EIF2S2: variants seen among roughly 807,000 people sequenced by gnomAD.
EIF2S2 encodes the protein eukaryotic translation initiation factor 2 subunit beta.
EIF2S2 carries 4 observed loss-of-function variants against 44.0 expected under a neutral mutation model. That is an observed-to-expected ratio of 0.09 (90% CI 0.04 to 0.21). The LOEUF (loss-of-function observed/expected upper bound fraction) is 0.21. Among genes scored for constraint, EIF2S2 ranks in the 10% least tolerant of loss-of-function variants. The pLI is 1.00. For synonymous variants in EIF2S2, 108 were observed against 128.3 expected, an observed-to-expected ratio of 0.84 and a Z score of 1.07; for missense variants, 154 against 392.0, an observed-to-expected ratio of 0.39 and a Z score of 5.13.
chr20:34,103,701 C>T, intron 2 of EIF2S2, 136 bp from the exon 3 acceptor site: 2 of 1,263,726 alleles, frequency 1.6e-6, no homozygotes, highest in East Asian at 3.8e-5. Flanking sequence ...AATCACAAAA[C>T]TTATGGTTCT....
intron 6 of EIF2S2, among the ~76,000 whole-genome samples, chr20:34,095,310 CTTTTTTTTTTTT>C (rs148341160): frequency 8.9e-5 from 11 of 123,916 alleles, no homozygotes; most frequent in African/African-American, 3.1e-4. Flanking sequence ...TTAGCTACCT[CTTTTTTTTTTTT>C]TTTTTTTTGA....
intron 7 of EIF2S2, among the ~76,000 whole-genome samples, chr20:34,091,671 T>C (rs1260886589): frequency 7.3e-6 from 1 of 137,764 alleles, no homozygotes; most frequent in African/African-American, 2.7e-5. Context: ...TGAGCCAAGA[T>C]CCACGCCACT....
intron 3 of EIF2S2, 103 bp from the exon 4 acceptor site, chr20:34,098,736 C>G (rs2034261900): frequency 2.2e-6 from 3 of 1,377,346 alleles, no homozygotes; most frequent in African/African-American, 2.9e-5. Context: ...CTTTGTTGCT[C>G]AGGCTAGTCT....
Position 34,089,671 on chromosome 20 carries a change from T to G in EIF2S2, c.*59A>C, listed in dbSNP as rs2034140199. 1.3e-6 allele frequency: 2 copies of G among 1,561,200 alleles called. No homozygotes were observed. The highest frequency in any genetic ancestry group is 2.7e-5 in the African/African-American group (2 of 72,920). On this transcript the variant is annotated 3_prime_UTR_variant, in exon 9 of 9. Transcript: ENST00000374980. ...TAATACAACGGTATATCCACTCTGA[T>G]GGCAAACCTGTCCAGCCACATCTCC...
At chr20:34,099,441 G>T (rs2034270889) in intron 3 of EIF2S2, among the ~76,000 whole-genome samples, 1 of 152,162 alleles carries the variant, frequency 6.6e-6, no homozygotes, top group African/African-American at 2.4e-5. Context: ...CAGGGTTCAG[G>T]AGTACTTTAA....
intron 3 of EIF2S2, among the ~76,000 whole-genome samples, chr20:34,101,333 T>C (rs558610443): frequency 6.6e-6 from 1 of 152,108 alleles, no homozygotes; most frequent in Non-Finnish European, 1.5e-5. Context: ...AACCCAGCTA[T>C]TCAGGAAGCT....
At chr20:34,095,944 A>C (rs145713386) in intron 6 of EIF2S2, among the ~76,000 whole-genome samples, 102 of 152,316 alleles carry the variant, frequency 6.7e-4, no homozygotes, top group African/African-American at 2.3e-3. Flanking sequence ...AGCCATTCCC[A>C]GACAGTAACC....
At chr20:34,103,707 GTTCT>G (rs1373396677) in intron 2 of EIF2S2, 142 bp from the exon 3 acceptor site, 30 of 1,242,476 alleles carry the variant, frequency 2.4e-5, no homozygotes, top group East Asian at 4.0e-5. Context: ...AAAACTTATG[GTTCT>G]TTTTTTTTTT....
chr20:34,108,739 T>C (rs2034376431), intron 1 of EIF2S2, among the ~76,000 whole-genome samples: 1 of 152,196 alleles, frequency 6.6e-6, no homozygotes, highest in Non-Finnish European at 1.5e-5. Flanking sequence ...ATTACCCTGA[T>C]GCTCATCAAA....
At chr20:34,099,534 C>T (rs2034272248) in intron 3 of EIF2S2, among the ~76,000 whole-genome samples, 1 of 152,136 alleles carries the variant, frequency 6.6e-6, no homozygotes, top group South Asian at 2.1e-4. Flanking sequence ...CACACCAACC[C>T]TCCAATGCCA....
chr20:34,094,266 C>T (rs1309449378), intron 6 of EIF2S2, among the ~76,000 whole-genome samples: 4 of 152,104 alleles, frequency 2.6e-5, no homozygotes. Flanking sequence ...CATCTAGAAA[C>T]AAGGATGGAA....
At chr20:34,094,289 G>A (rs1048725533) in intron 6 of EIF2S2, among the ~76,000 whole-genome samples, 4 of 152,110 alleles carry the variant, frequency 2.6e-5, no homozygotes, top group African/African-American at 4.8e-5. Flanking sequence ...CATCAACACC[G>A]ACTTCAGAGA....
At chr20:34,111,724 C>A (rs2034415109) in intron 1 of EIF2S2, among the ~76,000 whole-genome samples, 1 of 152,254 alleles carries the variant, frequency 6.6e-6, no homozygotes, top group Admixed American at 6.5e-5. Flanking sequence ...ACCCCCGGCA[C>A]CCAGTGAGGC....
chr20:34,098,663 G>A, intron 3 of EIF2S2, 30 bp from the exon 4 acceptor site: 1 of 1,606,812 alleles, frequency 6.2e-7, no homozygotes. Flanking sequence ...CTGAACATTT[G>A]ATACTGGGAC....
chr20:34,091,286 G>A (rs1197920017), intron 7 of EIF2S2, among the ~76,000 whole-genome samples: 1 of 152,132 alleles, frequency 6.6e-6, no homozygotes, highest in African/African-American at 2.4e-5. Flanking sequence ...AACAGGAAAG[G>A]GGCTACGTTT....
intron 1 of EIF2S2, among the ~76,000 whole-genome samples, chr20:34,109,799 G>GA (rs575872741): frequency 2.1e-3 from 288 of 139,322 alleles, no homozygotes; most frequent in Middle Eastern, 3.7e-3. Context: ...TATACATCAA[G>GA]AAAAAAAAAA....
chr20:34,111,320 T>C (rs1302291246), intron 1 of EIF2S2, among the ~76,000 whole-genome samples: 1 of 152,082 alleles, frequency 6.6e-6, no homozygotes, highest in East Asian at 1.9e-4. Flanking sequence ...CTACTGGGAG[T>C]ACTTAACATC....
At chr20:34,090,056 G>T (rs2034145141) in intron 8 of EIF2S2, 151 bp from the exon 9 acceptor site, 3 of 781,182 alleles carry the variant, frequency 3.8e-6, no homozygotes, top group South Asian at 1.7e-5. Flanking sequence ...TATTCGAGGG[G>T]TAAGAAAACA....
intron 3 of EIF2S2, among the ~76,000 whole-genome samples, chr20:34,099,094 GC>G (rs1278718707): frequency 6.6e-6 from 1 of 152,172 alleles, no homozygotes; most frequent in East Asian, 1.9e-4. Flanking sequence ...CAGAGGCCAG[GC>G]GTCTTGGCTC....
Sources: gnomAD v4.1 joint callset for allele counts (sites outside exome capture counted in the v4.1 genomes callset) on GRCh38, gnomAD v4.1.1 for gene constraint, MANE v1.5 for transcripts, NCBI Gene and HGNC (gene_info 2026-07-23, HGNC 2026-07-21) for gene names.